The following GPT2 variants were observed in gnomAD, a reference collection of about 807,000 sequenced individuals.
GPT2 encodes the protein glutamic--pyruvic transaminase 2, also known as alanine aminotransferase 2.
A neutral mutation model predicts 56.9 loss-of-function variants in GPT2; 30 were observed. The observed-to-expected ratio is 0.53, with a 90% CI of 0.39 to 0.72. The LOEUF is 0.72. Among genes scored for constraint, GPT2 ranks in the 30% least tolerant of loss-of-function variants. The probability of loss-of-function intolerance (pLI) is 0.00; values close to 1 mark genes in which losing one functional copy is unlikely to be tolerated. For synonymous variants in GPT2, 271 were observed against 283.1 expected, an observed-to-expected ratio of 0.96 and a Z score of 0.43; for missense variants, 542 against 703.4, an observed-to-expected ratio of 0.77 and a Z score of 2.60.
chr16:46,898,992 A>ACAC (rs1355515495), intron 3 of GPT2, among the ~76,000 whole-genome samples: 2,994 of 62,298 alleles, frequency 0.048, 290 homozygotes, highest in Non-Finnish European at 0.055. Context: ...ATATATATAT[A>ACAC]ACACACATAT....
At chr16:46,916,738 C>G (rs1024986784) in intron 7 of GPT2, 31 bp downstream of exon 7, 9 of 1,427,964 alleles carry the variant, frequency 6.3e-6, no homozygotes, top group South Asian at 1.1e-5. Flanking sequence ...AGGGAGTGGG[C>G]ACTAGCTTTC....
rs569163082 is a variant in GPT2, at chr16:46,897,722, C to T, written c.318C>T (p.Ile106=). ...GDAQAMGQQP[I]TFLRQVMALC... is the part of the protein sequence containing the mutation. Reference sequence around the variant, plus strand: ...CCCAGGCTATGGGGCAGCAGCCAATCACCTTCCTCCGGCAGGTGAGCCGCC... The same window carrying T: ...CCCAGGCTATGGGGCAGCAGCCAATTACCTTCCTCCGGCAGGTGAGCCGCC... The change falls in exon 3 of 12, where the codon ATC becomes ATT. Residue 106 remains isoleucine, a synonymous_variant. Coordinates refer to ENST00000340124, the MANE Select transcript of GPT2 (RefSeq NM_133443.4). 1.3e-5 allele frequency: 21 copies of T among 1,613,958 alleles called. No homozygotes were observed. The South Asian group carries it at 2.3e-4, about 18-fold the overall frequency.
intron 10 of GPT2, among the ~76,000 whole-genome samples, chr16:46,924,903 T>C (rs983827293): frequency 2.6e-5 from 4 of 151,304 alleles, no homozygotes; most frequent in African/African-American, 9.7e-5. Flanking sequence ...AACTTCAGTG[T>C]GTGCACCGAT....
intron 4 of GPT2, among the ~76,000 whole-genome samples, chr16:46,904,497 C>G (rs904298731): frequency 1.3e-5 from 2 of 152,168 alleles, no homozygotes; most frequent in Admixed American, 6.5e-5. Flanking sequence ...TTAGGGCAGG[C>G]CTCCGGGAGA....
Position 46,903,747 on chromosome 16 carries a change from C to T in GPT2, c.442+2957C>T, listed in dbSNP as rs1377477189. Among the ~76,000 whole-genome samples, 3 of 152,308 alleles carry T rather than the reference C, an allele frequency of 2.0e-5. No homozygotes were observed. The South Asian group carries it at 6.2e-4, about 32-fold the overall frequency. On this transcript the variant is annotated intron_variant, in intron 4 of 11. Transcript: ENST00000340124. ...TGTCAAGCCCCTCCCTGAGTACATACCAGGCTGTGTTCTAGACACCAAAGA... is the reference window on the plus strand; with the variant it reads ...TGTCAAGCCCCTCCCTGAGTACATATCAGGCTGTGTTCTAGACACCAAAGA...
intron 11 of GPT2, among the ~76,000 whole-genome samples, chr16:46,927,324 G>A (rs1459488193): frequency 6.6e-6 from 1 of 152,200 alleles, no homozygotes. Flanking sequence ...AATGTTCCTA[G>A]TAGGGTGTTT....
rs1197019286 is a variant in GPT2, at chr16:46,930,754, C to T, written c.*1757C>T. ...GGAGGCGGGGTTAGTATTTATAGTC[C>T]TAACAAGTCCAGTAATTTTTTATAA... On this transcript the variant is annotated 3_prime_UTR_variant, in exon 12 of 12. Transcript: ENST00000340124. 1 of 152,446 alleles carries T rather than the reference C, an allele frequency of 6.6e-6. No individual in the cohort carries two copies. Among genetic ancestry groups the T allele is most frequent in the African/African-American group, 2.4e-5 (1 of 41,380 alleles). The allele number at this position is 152,446 out of a possible 1,614,324, so 9.4% of individuals were successfully genotyped here.
chr16:46,928,045 A>C (rs1160337809), intron 11 of GPT2, among the ~76,000 whole-genome samples: 1 of 152,210 alleles, frequency 6.6e-6, no homozygotes, highest in Non-Finnish European at 1.5e-5. Context: ...TCAGTGGTCA[A>C]AATGTTCCAG....
intron 4 of GPT2, among the ~76,000 whole-genome samples, chr16:46,905,773 T>A (rs1156910043): frequency 6.6e-6 from 1 of 152,206 alleles, no homozygotes; most frequent in East Asian, 1.9e-4. Context: ...CACACATCGA[T>A]GTCTCCCCAC....
At chr16:46,918,792 G>A (rs1961223791) in intron 8 of GPT2, 35 bp downstream of exon 8, 1 of 1,610,310 alleles carries the variant, frequency 6.2e-7, no homozygotes, top group Non-Finnish European at 8.5e-7. Flanking sequence ...CCACTGCTGG[G>A]CCTGCCAGAT....
intron 9 of GPT2, chr16:46,924,142 A>C (rs1961351060): frequency 3.7e-6 from 2 of 533,844 alleles, no homozygotes; most frequent in African/African-American, 3.8e-5. Context: ...TTCTTTGGTC[A>C]GTCTGTCTGA....
chr16:46,895,012 C>T (rs1178094010), intron 2 of GPT2, among the ~76,000 whole-genome samples: 1 of 152,110 alleles, frequency 6.6e-6, no homozygotes, highest in Non-Finnish European at 1.5e-5. Context: ...AAGAACTCAG[C>T]AGATGGGCCA....
intron 2 of GPT2, among the ~76,000 whole-genome samples, chr16:46,891,440 G>C (rs1960583584): frequency 6.6e-6 from 1 of 151,820 alleles, no homozygotes; most frequent in Non-Finnish European, 1.5e-5. Flanking sequence ...TTTCGCTCTT[G>C]TTGCCCAGGC....
chr16:46,919,397 G>C (rs1309936412), intron 8 of GPT2, among the ~76,000 whole-genome samples: 1 of 152,218 alleles, frequency 6.6e-6, no homozygotes, highest in Non-Finnish European at 1.5e-5. Context: ...CTGAAGTGGT[G>C]CAGCCTCACT....
intron 2 of GPT2, 73 bp downstream of exon 2, chr16:46,885,031 G>T: frequency 1.4e-6 from 2 of 1,388,604 alleles, no homozygotes; most frequent in South Asian, 1.6e-5. Context: ...CCCAGCTGGG[G>T]TCCTTCCCAC....
In GPT2 at chr16:46,906,853, G is replaced by A. The variant is rs777424103; in HGVS notation, c.454G>A (p.Ala152Thr). 1.9e-6 allele frequency: 3 copies of A among 1,614,202 alleles called. No individual in the cohort carries two copies. The highest frequency in any genetic ancestry group is 3.3e-5 in the Admixed American group (2 of 60,026). ...CTGCTGTCTTACAGGGTCCTACAGTGCTAGCCAGGGTGTCAACTGCATCCG... is the reference window on the plus strand; with the variant it reads ...CTGCTGTCTTACAGGGTCCTACAGTACTAGCCAGGGTGTCAACTGCATCCG... ...CGGNSLGSYS[A>T]SQGVNCIRED... Residue 152 changes from alanine to threonine, a missense_variant, in exon 5 of 12, where the codon GCT becomes ACT. Ala to Thr is a moderately conservative substitution (Grantham distance 58). Transcript: ENST00000340124.
At chr16:46,892,720 G>A (rs1960608414) in intron 2 of GPT2, among the ~76,000 whole-genome samples, 1 of 152,054 alleles carries the variant, frequency 6.6e-6, no homozygotes, top group African/African-American at 2.4e-5. Context: ...TGTGTCTTTT[G>A]TGGAAAGACT....
At chr16:46,885,228 G>C in intron 2 of GPT2, 2 of 1,226,022 alleles carry the variant, frequency 1.6e-6, no homozygotes, top group Non-Finnish European at 2.0e-6. Context: ...ACCGCACGTT[G>C]TGTGTCTGCC....
intron 6 of GPT2, among the ~76,000 whole-genome samples, chr16:46,910,886 C>G (rs1380918128): frequency 6.6e-6 from 1 of 152,218 alleles, no homozygotes; most frequent in Non-Finnish European, 1.5e-5. Context: ...TGCACCCAGC[C>G]AGGGTTGTAT....
Sources: allele counts gnomAD v4.1 joint callset (sites outside exome capture counted in the v4.1 genomes callset), GRCh38; gene constraint gnomAD v4.1.1; transcripts MANE v1.5; gene names NCBI Gene and HGNC (gene_info 2026-07-23, HGNC 2026-07-21).